Variants in DLG1 observed in about 807,000 individuals in gnomAD.
The protein encoded by DLG1 is disks large homolog 1.
A neutral mutation model predicts 123.4 loss-of-function variants in DLG1; 42 were observed. The observed-to-expected ratio is 0.34, with a 90% CI of 0.27 to 0.44. DLG1 has a LOEUF of 0.44. DLG1 is among the 20% of genes least tolerant of loss of function. The probability of loss-of-function intolerance (pLI) is 1.00; values close to 1 mark genes in which losing one functional copy is unlikely to be tolerated. For synonymous variants in DLG1, 317 were observed against 356.2 expected, an observed-to-expected ratio of 0.89 and a Z score of 1.24; for missense variants, 942 against 1,082.6, an observed-to-expected ratio of 0.87 and a Z score of 1.82.
At chr3:197,082,921 C>T (rs563885385) in intron 16 of DLG1, among the ~76,000 whole-genome samples, 2 of 152,164 alleles carry the variant, frequency 1.3e-5, no homozygotes, top group Admixed American at 6.5e-5. Flanking sequence ...TGGGTGTAGG[C>T]ACAGAAAGCC....
chr3:197,264,245 T>C (rs1230217758), intron 4 of DLG1, among the ~76,000 whole-genome samples: 1 of 152,176 alleles, frequency 6.6e-6, no homozygotes, highest in Non-Finnish European at 1.5e-5. Context: ...ACGGTTTAAG[T>C]TGTTTGAGAT....
intron 4 of DLG1, among the ~76,000 whole-genome samples, chr3:197,198,487 C>CAAA (rs5855568): frequency 0.011 from 1,212 of 109,544 alleles, 34 homozygotes; most frequent in Middle Eastern, 0.034. Flanking sequence ...ACTCAGTCTC[C>CAAA]AAAAAAAAAA....
intron 8 of DLG1, 97 bp downstream of exon 8, chr3:197,140,043 G>T: frequency 7.4e-7 from 1 of 1,354,166 alleles, no homozygotes; most frequent in South Asian, 1.5e-5. Flanking sequence ...TAGTTATCAT[G>T]ATCGTGTTTG....
chr3:197,104,970 C>T lies in DLG1; in HGVS notation c.1479G>A (p.Glu493=). 2.5e-6 allele frequency: 4 copies of T among 1,613,198 alleles called. No homozygotes were observed. The highest frequency in any genetic ancestry group is 3.4e-6 in the Non-Finnish European group (4 of 1,179,560). ...CATTTTTCAATGCAGCTGCTGCCTG[C>T]TCATGACTAGCAGCTCTGAGGTCAA... is the stretch of plus-strand genomic sequence containing the variant. The part of the protein sequence containing the change: ...NSVDLRAASH[E]QAAAALKNAG... The change falls in exon 14 of 25, where the codon GAG becomes GAA. Residue 493 remains glutamate (E), a synonymous_variant. Coordinates refer to ENST00000667157, the MANE Select transcript of DLG1 (RefSeq NM_001366207.1).
intron 4 of DLG1, among the ~76,000 whole-genome samples, chr3:197,250,980 C>CAA (rs34378051): frequency 0.03 from 2,621 of 87,016 alleles, 56 homozygotes; most frequent in Middle Eastern, 0.065. Context: ...AAGACTCCAT[C>CAA]AAAAAAAAAA....
intron 4 of DLG1, among the ~76,000 whole-genome samples, chr3:197,247,170 G>A (rs1752138800): frequency 6.6e-6 from 1 of 152,210 alleles, no homozygotes; most frequent in Non-Finnish European, 1.5e-5. Flanking sequence ...GAGAGTTGGA[G>A]TTGATTGCTT....
Position 197,058,084 on chromosome 3 carries a change from TCCC to T in DLG1, c.2483+1802_2483+1804del, listed in dbSNP as rs529082952. ...ACCTCTGCTCCCTGTGCTCAAGCAA[TCCC>T]CCCATCTCAGCATCCCAAGTAGCTG... On this transcript the variant is annotated intron_variant, in intron 23 of 24. Coordinates refer to ENST00000667157, the MANE Select transcript of DLG1 (RefSeq NM_001366207.1). Among the ~76,000 whole-genome samples, 714 of 152,026 alleles carry T rather than the reference TCCC, an allele frequency of 4.7e-3. 12 individuals are homozygous for T. The highest frequency in any genetic ancestry group is 3.4e-3 in the Middle Eastern group (1 of 294).
At chr3:197,294,399 C>T (rs1776358097) in intron 3 of DLG1, among the ~76,000 whole-genome samples, 1 of 101,036 alleles carries the variant, frequency 9.9e-6, no homozygotes, top group Non-Finnish European at 2.3e-5. Flanking sequence ...GTAATCCCAA[C>T]ATTTTGGGAG....
At chr3:197,149,635 T>G in intron 6 of DLG1, 108 bp downstream of exon 6, 2 of 779,192 alleles carry the variant, frequency 2.6e-6, no homozygotes, top group Non-Finnish European at 2.3e-6. Context: ...ATAGAACATC[T>G]TAAGAGAAAT....
chr3:197,088,371 G>A (rs1755657415), intron 15 of DLG1, among the ~76,000 whole-genome samples: 1 of 152,122 alleles, frequency 6.6e-6, no homozygotes, highest in African/African-American at 2.4e-5. Context: ...AGATGAGGGA[G>A]CTCCTGCAAA....
intron 19 of DLG1, among the ~76,000 whole-genome samples, chr3:197,067,301 A>G (rs1278911289): frequency 6.6e-6 from 1 of 152,066 alleles, no homozygotes; most frequent in Non-Finnish European, 1.5e-5. Context: ...AACTTTGTAA[A>G]AAAATAATAA....
chr3:197,207,985 T>A (rs542419596), intron 4 of DLG1, among the ~76,000 whole-genome samples: 2 of 143,036 alleles, frequency 1.4e-5, no homozygotes, highest in African/African-American at 2.5e-5. Context: ...CGAAAAAAAA[T>A]TGTAACTTAA....
intron 5 of DLG1, among the ~76,000 whole-genome samples, chr3:197,161,313 C>T (rs913638832): frequency 1.3e-5 from 2 of 152,108 alleles, no homozygotes; most frequent in African/African-American, 4.8e-5. Context: ...ATGATTTTTA[C>T]TAACTTTAGA....
intron 14 of DLG1, among the ~76,000 whole-genome samples, chr3:197,091,327 T>C (rs1409311370): frequency 1.3e-5 from 2 of 152,040 alleles, no homozygotes; most frequent in Non-Finnish European, 2.9e-5. Flanking sequence ...AATCTTATAT[T>C]ACTGTTGAAT....
At chr3:197,186,743 C>G (rs958825886) in intron 5 of DLG1, among the ~76,000 whole-genome samples, 1 of 152,270 alleles carries the variant, frequency 6.6e-6, no homozygotes, top group Non-Finnish European at 1.5e-5. Context: ...ACTAAATAAT[C>G]TTTTATTTGT....
intron 4 of DLG1, among the ~76,000 whole-genome samples, chr3:197,279,112 T>C (rs1277835510): frequency 3.3e-5 from 5 of 152,176 alleles, no homozygotes; most frequent in Non-Finnish European, 5.9e-5. Context: ...GAGTCTAAAG[T>C]AGCAAATGAA....
intron 4 of DLG1, among the ~76,000 whole-genome samples, chr3:197,213,087 T>C (rs73210546): frequency 0.12 from 18,293 of 152,120 alleles, 1,191 homozygotes; most frequent in Middle Eastern, 0.15. Context: ...GAAATAAAAA[T>C]ATATGTCCAC....
chr3:197,245,907 G>C (rs1029067585), intron 4 of DLG1, among the ~76,000 whole-genome samples: 4 of 141,664 alleles, frequency 2.8e-5, no homozygotes, highest in African/African-American at 1.0e-4. Flanking sequence ...TTTTGGGGGG[G>C]GGGGAGGTGG....
chr3:197,255,961 A>G (rs140000134), intron 4 of DLG1, among the ~76,000 whole-genome samples: 2 of 152,286 alleles, frequency 1.3e-5, no homozygotes, highest in African/African-American at 4.8e-5. Context: ...GATGATGAAA[A>G]TAACCAGGCT....
Sources: allele counts gnomAD v4.1 joint callset (sites outside exome capture counted in the v4.1 genomes callset), GRCh38; gene constraint gnomAD v4.1.1; transcripts MANE v1.5; gene names NCBI Gene and HGNC (gene_info 2026-07-23, HGNC 2026-07-21).